PKP4: variants seen among roughly 807,000 people sequenced by gnomAD.
The protein encoded by PKP4 is plakophilin-4.
PKP4 carries 90 observed loss-of-function variants against 145.1 expected under a neutral mutation model. The observed-to-expected ratio is 0.62, with a 90% CI of 0.52 to 0.74. PKP4 has a LOEUF of 0.74. PKP4 is among the 30% of genes least tolerant of loss of function. The pLI, the probability that PKP4 is intolerant of heterozygous loss-of-function variation, is 0.00. For missense variants in PKP4, 1,340 were observed against 1,482.7 expected (o/e 0.90, Z 1.58); for synonymous variants, 563 against 577.2 (o/e 0.98, Z 0.35).
chr2:158,461,856 A>T (rs1446121480), intron 1 of PKP4, among the ~76,000 whole-genome samples: 5 of 152,140 alleles, frequency 3.3e-5, no homozygotes, highest in Admixed American at 2.0e-4. Context: ...TGCCATCACC[A>T]CATCTGTGAG....
chr2:158,569,420 G>A (rs1478891642), intron 2 of PKP4, among the ~76,000 whole-genome samples: 1 of 152,134 alleles, frequency 6.6e-6, no homozygotes, highest in African/African-American at 2.4e-5. Flanking sequence ...ATAGCATAGG[G>A]CAACGAATCC....
chr2:158,589,655 A>C (rs978755650), intron 3 of PKP4, among the ~76,000 whole-genome samples: 3 of 152,184 alleles, frequency 2.0e-5, no homozygotes, highest in Admixed American at 6.5e-5. Context: ...TGTTGCCACT[A>C]ATGTACTTAG....
At chr2:158,484,160 G>C (rs1301115982) in intron 1 of PKP4, among the ~76,000 whole-genome samples, 1 of 151,024 alleles carries the variant, frequency 6.6e-6, no homozygotes, top group Non-Finnish European at 1.5e-5. Flanking sequence ...CCATTCTCCT[G>C]CCTCAGCCTC....
chr2:158,669,661 A>G, intron 16 of PKP4, 59 bp from the exon 17 acceptor site: 1 of 1,325,986 alleles, frequency 7.5e-7, no homozygotes, highest in South Asian at 2.2e-5. Flanking sequence ...GAATCTGAAC[A>G]ACAATAACAA....
At chr2:158,466,045 C>T (rs1388120233) in intron 1 of PKP4, among the ~76,000 whole-genome samples, 1 of 152,216 alleles carries the variant, frequency 6.6e-6, no homozygotes, top group Non-Finnish European at 1.5e-5. Flanking sequence ...CATAAATCTC[C>T]CGTCCTGTAG....
intron 1 of PKP4, among the ~76,000 whole-genome samples, chr2:158,489,965 A>C (rs1694710459): frequency 6.6e-6 from 1 of 152,140 alleles, no homozygotes; most frequent in East Asian, 1.9e-4. Flanking sequence ...ACAACAAAAC[A>C]ACTAACAGTG....
In PKP4 at chr2:158,666,951, T is replaced by C. The variant is rs1271646535; in HGVS notation, c.2728+388T>C. On this transcript the variant is annotated intron_variant, in intron 16 of 21. Transcript: ENST00000389759. ...ACACTACCATACTCTAAATAAAAAA[T>C]CACATGAATGTTTTGTAGCTTTCCC... Among the ~76,000 whole-genome samples, 3 of 152,196 alleles carry C rather than the reference T, an allele frequency of 2.0e-5. No individual in the cohort carries two copies. The East Asian group carries it at 5.8e-4, about 29-fold the overall frequency.
chr2:158,613,215 C>T (rs7607370), intron 4 of PKP4, among the ~76,000 whole-genome samples: 13,073 of 152,102 alleles, frequency 0.086, 640 homozygotes, highest in Admixed American at 0.11. Flanking sequence ...CTCCAGTGTG[C>T]ACAGTTTGAG....
At position 158,676,719 on chromosome 2, in the gene PKP4, T is replaced by C; in HGVS notation, c.3128-20T>C. 9 of 1,614,052 alleles carry C rather than the reference T, an allele frequency of 5.6e-6. No homozygotes were observed. The highest frequency in any genetic ancestry group is 7.6e-6 in the Non-Finnish European group (9 of 1,179,934). On this transcript the variant is annotated intron_variant, in intron 19 of 21. Transcript: ENST00000389759. ...TCTCTTTCTACCCCTCTTTCTCTCC[T>C]CCTTTGCCTCTCCCTTCAGTCGGCA...
chr2:158,485,865 A>G (rs757215767), intron 1 of PKP4, among the ~76,000 whole-genome samples: 5 of 152,244 alleles, frequency 3.3e-5, no homozygotes, highest in African/African-American at 7.2e-5. Flanking sequence ...CTTAATGTCA[A>G]TAATTAAAAT....
chr2:158,628,698 T>C (rs2053052064), intron 7 of PKP4, among the ~76,000 whole-genome samples: 1 of 152,268 alleles, frequency 6.6e-6, no homozygotes, highest in Non-Finnish European at 1.5e-5. Flanking sequence ...AATCATAGTC[T>C]GTGCTTACAA....
chr2:158,600,823 C>T (rs1197890602), intron 3 of PKP4, among the ~76,000 whole-genome samples: 2 of 152,078 alleles, frequency 1.3e-5, no homozygotes, highest in African/African-American at 4.8e-5. Flanking sequence ...GCTTGTTTTT[C>T]TAATGATTTA....
At chr2:158,471,486 C>T (rs1020320000) in intron 1 of PKP4, among the ~76,000 whole-genome samples, 2 of 152,158 alleles carry the variant, frequency 1.3e-5, no homozygotes, top group Admixed American at 1.3e-4. Context: ...TAACATTTTG[C>T]TCATTGTCAA....
intron 1 of PKP4, among the ~76,000 whole-genome samples, chr2:158,460,718 A>G (rs965735531): frequency 2.6e-5 from 4 of 152,202 alleles, no homozygotes; most frequent in Non-Finnish European, 4.4e-5. Flanking sequence ...AGAGGTTACT[A>G]TAGGGTTATT....
rs116171424 is a variant in PKP4 at position 158,538,681 on chromosome 2, A to G, written c.132+5365A>G. ...CAGCCTCCCAAGAGTAGCTGAGATT[A>G]CAGGTGTCTGCCACTACACCCAGTT... On this transcript the variant is annotated intron_variant, in intron 2 of 21. Coordinates refer to ENST00000389759, the MANE Select transcript of PKP4 (RefSeq NM_003628.6). Among the ~76,000 whole-genome samples the G allele has an allele frequency of 2.5e-3, 381 of 151,990 alleles. 1 individual carries two copies. The highest frequency in any genetic ancestry group is 2.5e-3 in the Non-Finnish European group (171 of 67,978).
At chr2:158,528,960 A>G (rs541507119) in intron 1 of PKP4, among the ~76,000 whole-genome samples, 3 of 152,330 alleles carry the variant, frequency 2.0e-5, no homozygotes, top group East Asian at 1.9e-4. Flanking sequence ...TCTGTTTACA[A>G]TGTAGAACTT....
chr2:158,626,621 G>A (rs1415520521), intron 7 of PKP4, among the ~76,000 whole-genome samples: 1 of 152,152 alleles, frequency 6.6e-6, no homozygotes, highest in Non-Finnish European at 1.5e-5. Flanking sequence ...TTATATTTCT[G>A]CCAGTAGTTT....
At chr2:158,467,694 A>G (rs764115619) in intron 1 of PKP4, among the ~76,000 whole-genome samples, 8 of 152,098 alleles carry the variant, frequency 5.3e-5, no homozygotes, top group Non-Finnish European at 1.2e-4. Flanking sequence ...AAAAATTTTA[A>G]AAATTAGCTG....
At chr2:158,671,402 T>G (rs1008198525) in intron 17 of PKP4, among the ~76,000 whole-genome samples, 1 of 151,496 alleles carries the variant, frequency 6.6e-6, no homozygotes, top group Non-Finnish European at 1.5e-5. Flanking sequence ...GGAAGGGGAG[T>G]GAGTGGAACC....
Sources: allele counts gnomAD v4.1 joint callset (sites outside exome capture counted in the v4.1 genomes callset), GRCh38; gene constraint gnomAD v4.1.1; transcripts MANE v1.5; gene names NCBI Gene and HGNC (gene_info 2026-07-23, HGNC 2026-07-21).